Variants in SLC35D4 observed in about 807,000 individuals in gnomAD.
The protein encoded by SLC35D4 is UDP-N-acetylglucosamine transporter SLC35D4.
chr18:23,332,429 T>C, the SLC35D4 span, among the ~76,000 whole-genome samples: 1 of 74,550 alleles, frequency 1.3e-5, no homozygotes, highest in Non-Finnish European at 2.5e-5. Context: ...TATGTAGATG[T>C]TGTTTAGCTT....
the SLC35D4 span, among the ~76,000 whole-genome samples, chr18:23,374,795 A>G: frequency 6.6e-5 from 10 of 152,044 alleles, no homozygotes; most frequent in Non-Finnish European, 1.3e-4. Flanking sequence ...TAGACATGAC[A>G]TCTTTAGGGG....
At chr18:23,295,953 T>C in the SLC35D4 span, 1 of 152,084 alleles carries the variant, frequency 6.6e-6, no homozygotes, top group Non-Finnish European at 1.5e-5. Flanking sequence ...GGAACAGAAA[T>C]ATTTATAGTT....
At chr18:23,273,706 C>T in the SLC35D4 span, among the ~76,000 whole-genome samples, 5 of 152,240 alleles carry the variant, frequency 3.3e-5, no homozygotes, top group Admixed American at 1.3e-4. Context: ...TAAAGTCATT[C>T]GCCTCACGGT....
chr18:23,251,482 TCAGCCAAAAAAGACC>T, the SLC35D4 span, among the ~76,000 whole-genome samples: 2 of 151,702 alleles, frequency 1.3e-5, no homozygotes, highest in African/African-American at 4.8e-5. Flanking sequence ...TGGCGTGTAG[TCAGCCAAAAAAGACC>T]CAGCCTTGGC....
the SLC35D4 span, chr18:23,260,476 T>A: frequency 6.6e-6 from 1 of 152,354 alleles, no homozygotes; most frequent in Non-Finnish European, 1.5e-5. Flanking sequence ...CTCTGGCTGC[T>A]GAGTTCTTTA....
At chr18:23,242,435 C>A in the SLC35D4 span, among the ~76,000 whole-genome samples, 3 of 152,266 alleles carry the variant, frequency 2.0e-5, no homozygotes, top group Admixed American at 1.3e-4. Context: ...CAGGGGAGGG[C>A]GGATGCTTCC....
the SLC35D4 span, among the ~76,000 whole-genome samples, chr18:23,285,195 C>T: frequency 1.3e-5 from 2 of 152,054 alleles, no homozygotes; most frequent in Admixed American, 6.6e-5. Flanking sequence ...CCCTTATTTC[C>T]ATGCCCCGAC....
chr18:23,437,898 T>C, the SLC35D4 span: 1 of 1,579,704 alleles, frequency 6.3e-7, no homozygotes, highest in South Asian at 1.1e-5. Context: ...CCTGCCCAAA[T>C]CCCCTGGCCG....
the SLC35D4 span, among the ~76,000 whole-genome samples, chr18:23,388,912 A>G: frequency 6.6e-6 from 1 of 151,324 alleles, no homozygotes. Context: ...CCTTCCAGCC[A>G]TGCTTCCTGT....
the SLC35D4 span, among the ~76,000 whole-genome samples, chr18:23,428,747 C>T: frequency 2.6e-5 from 4 of 151,592 alleles, no homozygotes; most frequent in East Asian, 3.9e-4. Flanking sequence ...AGGTACATTG[C>T]GTGATGCTGG....
At chr18:23,430,184 T>C in the SLC35D4 span, among the ~76,000 whole-genome samples, 611 of 152,320 alleles carry the variant, frequency 4.0e-3, 8 homozygotes, top group African/African-American at 0.014. Flanking sequence ...AATTTTTGTA[T>C]ATGGTGAGAC....
chr18:23,413,368 C>T, the SLC35D4 span, among the ~76,000 whole-genome samples: 18,852 of 152,226 alleles, frequency 0.12, 1,280 homozygotes, highest in Middle Eastern at 0.19. Flanking sequence ...ATAAGAGCTT[C>T]AAAGAAACCA....
the SLC35D4 span, among the ~76,000 whole-genome samples, chr18:23,385,427 T>C: frequency 6.6e-6 from 1 of 152,172 alleles, no homozygotes; most frequent in East Asian, 1.9e-4. Context: ...GCAAGCTTTC[T>C]TAGAGGAAGT....
chr18:23,372,697 G>C, the SLC35D4 span, among the ~76,000 whole-genome samples: 1 of 152,178 alleles, frequency 6.6e-6, no homozygotes, highest in Admixed American at 6.5e-5. Context: ...CGTCTTCTTA[G>C]GTGCTTCAGA....
chr18:23,329,525 A>T, the SLC35D4 span, among the ~76,000 whole-genome samples: 3 of 152,244 alleles, frequency 2.0e-5, no homozygotes, highest in Non-Finnish European at 4.4e-5. Context: ...CATGCCAGTT[A>T]GAATGGCAAT....
the SLC35D4 span, among the ~76,000 whole-genome samples, chr18:23,371,935 G>GTTTTTTTTGTTTT: frequency 5.6e-5 from 2 of 35,476 alleles, no homozygotes; most frequent in African/African-American, 2.4e-4. Context: ...TGTTTTTTTT[G>GTTTTTTTTGTTTT]TTTTTTTTTT....
chr18:23,278,921 G>C, the SLC35D4 span, among the ~76,000 whole-genome samples: 1 of 151,728 alleles, frequency 6.6e-6, no homozygotes, highest in Non-Finnish European at 1.5e-5. Context: ...GCTGGGTTGG[G>C]AGGATTGCTT....
the SLC35D4 span, among the ~76,000 whole-genome samples, chr18:23,239,941 A>C: frequency 6.6e-6 from 1 of 152,114 alleles, no homozygotes; most frequent in Non-Finnish European, 1.5e-5. Flanking sequence ...AACGTGGTAA[A>C]ACCCCATCTC....
At chr18:23,436,590 C>A in the SLC35D4 span, among the ~76,000 whole-genome samples, 1 of 151,826 alleles carries the variant, frequency 6.6e-6, no homozygotes, top group Non-Finnish European at 1.5e-5. Flanking sequence ...GTCAGGAGTT[C>A]GAGACCAGCC....
Sources: allele counts gnomAD v4.1 joint callset (sites outside exome capture counted in the v4.1 genomes callset), GRCh38; gene constraint gnomAD v4.1.1; transcripts MANE v1.5; gene names NCBI Gene and HGNC (gene_info 2026-07-23, HGNC 2026-07-21).